Variants in OR3A2 observed in about 807,000 individuals in gnomAD.
OR3A2 encodes the protein olfactory receptor family 3 subfamily A member 2.
For missense variants in OR3A2, 318 were observed against 392.8 expected, an observed-to-expected ratio of 0.81 and a Z score of 1.61; for synonymous variants, 126 against 159.3, an observed-to-expected ratio of 0.79 and a Z score of 1.57.
chr17:3,318,143 C>T (rs1317641416), intron 3 of OR3A2, among the ~76,000 whole-genome samples: 1 of 152,130 alleles, frequency 6.6e-6, no homozygotes, highest in Non-Finnish European at 1.5e-5. Context: ...GAGTTAAGTG[C>T]TTACAAGTTC....
rs532666422 is a variant in OR3A2, at chr17:3,324,357, C to T, written c.-85+11676G>A. On this transcript the variant is annotated intron_variant, in intron 3 of 4. Transcript: ENST00000573491. ...ATCGTCTGAAGCCTTCTTTTCTCAA[C>T]TCATCAAAGTCATTCTCCGTCCAGC... Among the ~76,000 whole-genome samples, 21 of 152,184 alleles carry T rather than the reference C, an allele frequency of 1.4e-4. 1 individual carries two copies. In the South Asian group the frequency reaches 4.4e-3, roughly 32 times the overall value.
intron 2 of OR3A2, among the ~76,000 whole-genome samples, chr17:3,339,049 T>G (rs1379418407): frequency 6.6e-6 from 1 of 152,102 alleles, no homozygotes. Context: ...GGAGTTCACT[T>G]ATGATTTGGC....
chr17:3,366,313 C>A (rs28409656), intron 2 of OR3A2, among the ~76,000 whole-genome samples: 20,940 of 152,104 alleles, frequency 0.14, 1,777 homozygotes, highest in African/African-American at 0.24. Context: ...CTAGCTAATC[C>A]CAGAATCTCA....
At chr17:3,294,538 T>TA (rs1389300818) in intron 3 of OR3A2, among the ~76,000 whole-genome samples, 3 of 152,124 alleles carry the variant, frequency 2.0e-5, no homozygotes, top group Non-Finnish European at 4.4e-5. Flanking sequence ...CAATTTTAAT[T>TA]AAAAAATTAC....
intron 3 of OR3A2, among the ~76,000 whole-genome samples, chr17:3,330,456 C>T (rs1213619798): frequency 1.3e-5 from 2 of 151,964 alleles, no homozygotes; most frequent in Non-Finnish European, 2.9e-5. Flanking sequence ...GATCCCTTTA[C>T]CATTATGTAA....
chr17:3,325,492 G>A (rs1337134735), intron 3 of OR3A2, among the ~76,000 whole-genome samples: 1 of 151,902 alleles, frequency 6.6e-6, no homozygotes, highest in East Asian at 1.9e-4. Flanking sequence ...TTACAGGAGT[G>A]AGCCACCCCA....
chr17:3,342,629 G>A (rs1194633920), intron 2 of OR3A2, among the ~76,000 whole-genome samples: 2 of 152,182 alleles, frequency 1.3e-5, no homozygotes, highest in Admixed American at 1.3e-4. Flanking sequence ...AGCAAATATT[G>A]CTGCCCGATC....
chr17:3,357,027 C>T (rs2049470162), intron 2 of OR3A2, among the ~76,000 whole-genome samples: 2 of 151,692 alleles, frequency 1.3e-5, no homozygotes, highest in African/African-American at 4.9e-5. Context: ...GAAAATTAAT[C>T]CCTATTTGAA....
At chr17:3,317,541 G>A (rs1276181930) in intron 3 of OR3A2, among the ~76,000 whole-genome samples, 1 of 152,134 alleles carries the variant, frequency 6.6e-6, no homozygotes, top group Non-Finnish European at 1.5e-5. Context: ...CCGGGGCTCT[G>A]GGCTAACACT....
At chr17:3,288,966 T>A (rs1287266538), upstream of OR3A2, among the ~76,000 whole-genome samples, 1 of 152,188 alleles carries the variant, frequency 6.6e-6, no homozygotes, top group Non-Finnish European at 1.5e-5. Context: ...TAATTTTACA[T>A]AAATGGAATA....
chr17:3,364,803 G>T (rs143639444), intron 2 of OR3A2, among the ~76,000 whole-genome samples: 2 of 152,052 alleles, frequency 1.3e-5, no homozygotes, highest in Non-Finnish European at 1.5e-5. Context: ...CATGTTCATT[G>T]TAGCATTATT....
intron 2 of OR3A2, among the ~76,000 whole-genome samples, chr17:3,346,660 A>G (rs1196920946): frequency 6.7e-6 from 1 of 148,986 alleles, no homozygotes; most frequent in African/African-American, 2.5e-5. Context: ...TTTTTTTTGT[A>G]CCCATTATCC....
chr17:3,375,029 G>T (rs139300764), intron 2 of OR3A2, among the ~76,000 whole-genome samples: 1 of 146,108 alleles, frequency 6.8e-6, no homozygotes, highest in Admixed American at 6.9e-5. Flanking sequence ...TTCATATCCT[G>T]TATTTTTTTT....
intron 2 of OR3A2, among the ~76,000 whole-genome samples, chr17:3,343,278 G>A (rs1471275000): frequency 6.6e-6 from 1 of 152,184 alleles, no homozygotes; most frequent in Non-Finnish European, 1.5e-5. Flanking sequence ...TGTCCAACCA[G>A]TTCCAATGAG....
At chr17:3,309,158 G>A (rs916434045) in intron 3 of OR3A2, among the ~76,000 whole-genome samples, 6 of 152,102 alleles carry the variant, frequency 3.9e-5, no homozygotes, top group Non-Finnish European at 8.8e-5. Flanking sequence ...CACCCACCGC[G>A]GCCTCCCAAA....
intron 2 of OR3A2, among the ~76,000 whole-genome samples, chr17:3,338,291 C>T (rs1291352950): frequency 6.6e-6 from 1 of 152,050 alleles, no homozygotes; most frequent in Non-Finnish European, 1.5e-5. Context: ...TCCCATTTGT[C>T]TATTTTGGCT....
Position 3,278,505 on chromosome 17 carries a change from C to T in OR3A2, c.413G>A (p.Arg138His), listed in dbSNP as rs556167914. ...CATCCTCTGGACTGTCTGACTCATG[C>T]GGGTGCTGTAGGTGAGGGGCTGGCA... Residue 138 changes from arginine (R) to histidine (H), a missense_variant, in exon 2 of 2, where the codon CGC becomes CAC. Physicochemically the swap from Arg to His is conservative, Grantham distance 29 (BLOSUM62 0). Coordinates refer to ENST00000642052, the Ensembl canonical transcript of OR3A2. 3.4e-5 allele frequency: 55 copies of T among 1,613,826 alleles called. 1 individual carries two copies. In the Middle Eastern group the frequency reaches 8.3e-4, roughly 24 times the overall value.
At chr17:3,325,923 C>A (rs531653299) in intron 3 of OR3A2, among the ~76,000 whole-genome samples, 1 of 152,186 alleles carries the variant, frequency 6.6e-6, no homozygotes, top group South Asian at 2.1e-4. Context: ...ATTAGCTGTT[C>A]TTCCTGATGC....
At chr17:3,322,552 A>G (rs907511458) in intron 3 of OR3A2, among the ~76,000 whole-genome samples, 28 of 152,206 alleles carry the variant, frequency 1.8e-4, no homozygotes, top group African/African-American at 6.3e-4. Flanking sequence ...AATGTGTCCC[A>G]GAGATTCTGG....
Sources: allele counts gnomAD v4.1 joint callset (sites outside exome capture counted in the v4.1 genomes callset), GRCh38; gene constraint gnomAD v4.1.1; transcripts MANE v1.5; gene names NCBI Gene and HGNC (gene_info 2026-07-23, HGNC 2026-07-21).